The following DMKN variants were observed in gnomAD, a reference collection of about 807,000 sequenced individuals.
DMKN encodes the protein epidermis-specific secreted protein SK30/SK89.
Under a neutral mutation model 67.6 loss-of-function variants are expected in DMKN, and 58 were observed. That is an observed-to-expected ratio of 0.86 (90% CI 0.69 to 1.07). The LOEUF is 1.07. Ranked by LOEUF, DMKN falls within the 50% of genes least tolerant of loss-of-function variation. DMKN has a pLI of 0.00. For missense variants in DMKN, 596 were observed against 601.5 expected, an observed-to-expected ratio of 0.99 and a Z score of 0.10; for synonymous variants, 240 against 232.3, an observed-to-expected ratio of 1.03 and a Z score of -0.30.
chr19:35,509,828 A>G, intron 7 of DMKN, 83 bp downstream of exon 7: 1 of 1,520,648 alleles, frequency 6.6e-7, no homozygotes, highest in East Asian at 2.3e-5. Flanking sequence ...GAGGGGGTTG[A>G]GCAGAGTTGA....
intron 11 of DMKN, among the ~76,000 whole-genome samples, chr19:35,500,999 G>A (rs1266552294): frequency 6.6e-6 from 1 of 152,216 alleles, no homozygotes; most frequent in Non-Finnish European, 1.5e-5. Context: ...GCTTGAAGGA[G>A]GGGTTGTTAT....
chr19:35,498,559 T>A (rs2067831585), intron 15 of DMKN, 157 bp downstream of exon 15: 5 of 1,019,530 alleles, frequency 4.9e-6, no homozygotes, highest in Non-Finnish European at 5.6e-6. Flanking sequence ...TGAGGTCCCC[T>A]CTTCCTTATC....
Position 35,502,135 on chromosome 19 carries a change from C to T in DMKN, c.1239+1G>A. On this transcript the variant is annotated splice_donor_variant, in intron 11 of 15. Transcript: ENST00000339686. LOFTEE classifies it high-confidence loss of function. ...GAGCTGAGAAGTCCTGCCCCCCTTA[C>T]CTCAATAATTGCTTTCCAGTTGAGG... The T allele has an allele frequency of 6.2e-7, 1 of 1,614,178 alleles. No homozygotes were observed. The highest frequency in any genetic ancestry group is 8.5e-7 in the Non-Finnish European group (1 of 1,180,032).
chr19:35,512,868 G>A, intron 1 of DMKN, 78 bp from the exon 2 acceptor site: 1 of 1,538,564 alleles, frequency 6.5e-7, no homozygotes, highest in Non-Finnish European at 8.7e-7. Flanking sequence ...ATCATAAAGA[G>A]ACCAGGAGAG....
intron 7 of DMKN, chr19:35,506,422 T>C: frequency 3.1e-6 from 2 of 651,090 alleles, no homozygotes; most frequent in South Asian, 1.6e-5. Flanking sequence ...ATATTCAGAC[T>C]CTTGCCTCCA....
chr19:35,511,833 G>A lies in DMKN; in HGVS notation c.685-20C>T. 6.2e-7 allele frequency: 1 copy of A among 1,609,220 alleles called. No individual in the cohort carries two copies. The highest frequency in any genetic ancestry group is 8.5e-7 in the Non-Finnish European group (1 of 1,177,332). The stretch of plus-strand genomic sequence containing the variant: ...CGTGCACTGTCGAGGGAAAGGGATG[G>A]TGAGTTTGGGGACGGTGAGTTTGGA... On this transcript the variant is annotated intron_variant, in intron 3 of 15. Coordinates refer to ENST00000339686, the MANE Select transcript of DMKN (RefSeq NM_033317.5).
intron 7 of DMKN, chr19:35,509,555 TG>T (rs964830510): frequency 2.5e-5 from 5 of 197,566 alleles, no homozygotes; most frequent in Admixed American, 1.1e-4. Context: ...CCAGCATAAC[TG>T]GGGGGAATGT....
intron 7 of DMKN, 80 bp from the exon 8 acceptor site, chr19:35,506,066 G>A (rs1269308640): frequency 1.9e-6 from 3 of 1,610,490 alleles, no homozygotes. Flanking sequence ...GGCAGGAGGG[G>A]AGGCGAGGAT....
chr19:35,497,527 G>C lies in DMKN; in HGVS notation c.*12C>G, dbSNP rs967147050. ...GCTTTTCGGGGCCTCGGTGGTGGTT[G>C]CAAGAAATTGCCTAGAAGAAAGAAA... On this transcript the variant is annotated 3_prime_UTR_variant, in exon 16 of 16. Transcript: ENST00000339686. 1.3e-5 allele frequency: 2 copies of C among 152,272 alleles called. No homozygotes were observed. The highest frequency in any genetic ancestry group is 4.8e-5 in the African/African-American group (2 of 41,452). The allele number at this position is 152,272 out of a possible 1,614,324, so 9.4% of individuals were successfully genotyped here.
intron 10 of DMKN, among the ~76,000 whole-genome samples, 171 bp downstream of exon 10, chr19:35,502,659 A>T (rs2068619504): frequency 6.6e-6 from 1 of 151,696 alleles, no homozygotes; most frequent in Non-Finnish European, 1.5e-5. Flanking sequence ...GAGCCGAGAT[A>T]GTGCCACTGT....
intron 11 of DMKN, among the ~76,000 whole-genome samples, chr19:35,501,225 C>T (rs895029996): frequency 1.3e-5 from 2 of 152,196 alleles, no homozygotes; most frequent in African/African-American, 4.8e-5. Context: ...CACACACACA[C>T]AGAGTGACAG....
intron 9 of DMKN, chr19:35,503,536 C>G (rs2068832869): frequency 6.6e-7 from 1 of 1,507,250 alleles, no homozygotes; most frequent in Non-Finnish European, 8.9e-7. Context: ...AGTGCAGTGG[C>G]ACGATATCAG....
chr19:35,511,865 G>T, intron 3 of DMKN, 52 bp from the exon 4 acceptor site: 6 of 1,572,632 alleles, frequency 3.8e-6, no homozygotes, highest in Non-Finnish European at 5.2e-6. Flanking sequence ...TGGAGACGTT[G>T]GCCTCGGCCA....
Position 35,510,302 on chromosome 19 carries a change from G to A in DMKN, c.919-50C>T, listed in dbSNP as rs778357381. 1.4e-5 allele frequency: 22 copies of A among 1,562,334 alleles called. No individual in the cohort carries two copies. In the South Asian group the frequency reaches 2.4e-4, roughly 17 times the overall value. ...ACGCTGTCCTAAAGGACCTAAAGGG[G>A]ACCCAGTCGTTCCCAGCGGTGTTAC... On this transcript the variant is annotated intron_variant, in intron 5 of 15. Coordinates refer to ENST00000339686, the MANE Select transcript of DMKN (RefSeq NM_033317.5).
At chr19:35,503,512 G>C in intron 9 of DMKN, 1 of 1,525,470 alleles carries the variant, frequency 6.6e-7, no homozygotes, top group Non-Finnish European at 8.8e-7. Flanking sequence ...GTCTCGCTCT[G>C]TCGCCCAGGC....
In DMKN at chr19:35,512,712, C is replaced by G; in HGVS notation, c.505G>C (p.Gly169Arg). ...GGGTATCCGTGGACCCACGGAGTCC[C>G]CAGACCTCCAGGATTGCCCTGGCCC... The part of the protein sequence containing the change: ...GQGQGNPGGL[G>R]TPWVHGYPGN... The change falls in exon 2 of 16, where the codon GGG becomes CGG. Residue 169 changes from glycine (G) to arginine (R), a missense_variant. Gly to Arg is a moderately radical substitution (Grantham distance 125). Coordinates refer to ENST00000339686, the MANE Select transcript of DMKN (RefSeq NM_033317.5). 1.2e-6 allele frequency: 2 copies of G among 1,614,186 alleles called. No homozygotes were observed. The highest frequency in any genetic ancestry group is 1.7e-6 in the Non-Finnish European group (2 of 1,180,026).
intron 13 of DMKN, 85 bp downstream of exon 13, chr19:35,499,873 C>T (rs2068055922): frequency 6.0e-6 from 9 of 1,494,586 alleles, no homozygotes; most frequent in Middle Eastern, 2.3e-4. Flanking sequence ...GGCAACCAAC[C>T]GAGAGGACCC....
Position 35,511,808 on chromosome 19 carries a change from C to A in DMKN, c.690G>T (p.Thr230=), listed in dbSNP as rs4806162. 289,758 of 1,611,514 alleles carry A rather than the reference C, an allele frequency of 0.18. 33,013 individuals carry two copies. Among genetic ancestry groups the A allele is most frequent in the East Asian group, 0.5 (22,294 of 44,782 alleles). ...VRASNQNEGC[T]NPPPSGSGGG... Reference sequence around the variant, plus strand: ...CACCTGAGCCAGATGGTGGGGGATTCGTGCACTGTCGAGGGAAAGGGATGG... The same window carrying A: ...CACCTGAGCCAGATGGTGGGGGATTAGTGCACTGTCGAGGGAAAGGGATGG... Residue 230 remains threonine (T), a synonymous_variant, in exon 4 of 16, where the codon ACG becomes ACT. Transcript: ENST00000339686.
intron 7 of DMKN, chr19:35,508,040 G>T: frequency 1.1e-6 from 1 of 870,678 alleles, no homozygotes; most frequent in Non-Finnish European, 1.7e-6. Context: ...TTTATCTGCT[G>T]TGAAACATGG....
Sources: allele counts gnomAD v4.1 joint callset (sites outside exome capture counted in the v4.1 genomes callset), GRCh38; gene constraint gnomAD v4.1.1; transcripts MANE v1.5; gene names NCBI Gene and HGNC (gene_info 2026-07-23, HGNC 2026-07-21).